MAS1: variants seen among roughly 807,000 people sequenced by gnomAD.
The protein encoded by MAS1 is proto-oncogene Mas.
For missense variants in MAS1, 387 were observed against 409.7 expected (o/e 0.94, Z 0.48); for synonymous variants, 163 against 164.2 (o/e 0.99, Z 0.05).
intron 1 of MAS1, among the ~76,000 whole-genome samples, chr6:159,891,581 C>T (rs187872951): frequency 3.9e-5 from 6 of 152,270 alleles, no homozygotes; most frequent in African/African-American, 1.4e-4. Flanking sequence ...TGGCTATCAG[C>T]TCTTTGGCAT....
chr6:159,895,609 G>A (rs1341138953), intron 1 of MAS1, among the ~76,000 whole-genome samples: 1 of 152,004 alleles, frequency 6.6e-6, no homozygotes, highest in African/African-American at 2.4e-5. Context: ...ACAAGTAACC[G>A]TTAACATAAA....
At chr6:159,899,830 G>A (rs764770412) in intron 2 of MAS1, among the ~76,000 whole-genome samples, 1 of 152,212 alleles carries the variant, frequency 6.6e-6, no homozygotes, top group Non-Finnish European at 1.5e-5. Flanking sequence ...GGTGGATCAC[G>A]AGGTCAGGAG....
upstream of MAS1, among the ~76,000 whole-genome samples, chr6:159,890,751 T>C (rs577489909): frequency 1.1e-4 from 17 of 152,356 alleles, no homozygotes; most frequent in East Asian, 3.3e-3. Flanking sequence ...ACATGCGGTT[T>C]TGCCCTTCCA....
rs745853271 is a variant in MAS1 at position 159,906,905 on chromosome 6, T to C, written c.-36-15T>C. On this transcript the variant is annotated splice_polypyrimidine_tract_variant and intron_variant, in intron 2 of 2. Transcript: ENST00000674077. Reference sequence around the variant, plus strand: ...ATGGCTTTTTGTGTTTGTTTTGTTCTGGACATATTTACAGAAAATTACCTG... The same window carrying C: ...ATGGCTTTTTGTGTTTGTTTTGTTCCGGACATATTTACAGAAAATTACCTG... 2.4e-5 allele frequency: 36 copies of C among 1,520,538 alleles called. No individual in the cohort carries two copies. The highest frequency in any genetic ancestry group is 3.1e-5 in the Non-Finnish European group (35 of 1,131,016). 94.2% of individuals were successfully genotyped at this position (1,520,538 alleles called of 1,614,324 possible). A position where few individuals can be genotyped will look rare whatever the true frequency, so the allele number is the denominator to read the frequency against.
chr6:159,889,574 G>A (rs145500676), upstream of MAS1, among the ~76,000 whole-genome samples: 24 of 152,118 alleles, frequency 1.6e-4, no homozygotes, highest in African/African-American at 4.6e-4. Context: ...TTTCCCACCC[G>A]TGCTCCTTCT....
In MAS1 at chr6:159,913,405, G is replaced by A. The variant is rs893717251; in HGVS notation, c.*5472G>A. The stretch of plus-strand genomic sequence containing the variant: ...TGCCAAAAAATTAAGTACTTTTGTG[G>A]CTTAAAAGAACAATGTATTGTCATT... On this transcript the variant is annotated 3_prime_UTR_variant, in exon 3 of 3. Coordinates refer to ENST00000674077, the MANE Select transcript of MAS1 (RefSeq NM_002377.4). The A allele has an allele frequency of 1.3e-5, 2 of 152,046 alleles. No individual in the cohort carries two copies. The highest frequency in any genetic ancestry group is 2.4e-5 in the African/African-American group (1 of 41,378). The allele number at this position is 152,046 out of a possible 1,614,324, so 9.4% of individuals were successfully genotyped here.
chr6:159,906,668 T>C (rs1782890134), intron 2 of MAS1: 1 of 329,604 alleles, frequency 3.0e-6, no homozygotes, highest in South Asian at 4.9e-5. Flanking sequence ...CACAATGATA[T>C]AGAATGAATG....
At chr6:159,895,183 G>C (rs1462445838) in intron 1 of MAS1, among the ~76,000 whole-genome samples, 1 of 152,178 alleles carries the variant, frequency 6.6e-6, no homozygotes, top group Admixed American at 6.5e-5. Context: ...TGGTGTGTGT[G>C]TATGTTGGGT....
At chr6:159,890,595 C>T (rs1782685393), upstream of MAS1, among the ~76,000 whole-genome samples, 1 of 152,212 alleles carries the variant, frequency 6.6e-6, no homozygotes, top group East Asian at 1.9e-4. Flanking sequence ...TATACATAGA[C>T]TCATCTCATC....
At chr6:159,899,738 CA>C (rs1418010175) in intron 2 of MAS1, among the ~76,000 whole-genome samples, 3 of 151,766 alleles carry the variant, frequency 2.0e-5, no homozygotes, top group Non-Finnish European at 4.4e-5. Flanking sequence ...GACACTGTTT[CA>C]AAACAAAACA....
rs1243812033 is a variant in MAS1 at position 159,891,005 on chromosome 6, G to C, written c.-372G>C. Among the ~76,000 whole-genome samples the C allele has an allele frequency of 6.6e-6, 1 of 152,206 alleles. No individual in the cohort carries two copies. The highest frequency in any genetic ancestry group is 2.1e-4 in the South Asian group (1 of 4,828). On this transcript the variant is annotated 5_prime_UTR_variant, in exon 1 of 3. Transcript: ENST00000674077. The stretch of plus-strand genomic sequence containing the variant: ...GCAGCTCTGATTCCTTCAGAGATGA[G>C]AGGCTGCAGCCATCCTTCGAGATGT...
intron 1 of MAS1, among the ~76,000 whole-genome samples, chr6:159,894,557 A>T (rs1782733977): frequency 6.6e-6 from 1 of 152,122 alleles, no homozygotes; most frequent in South Asian, 2.1e-4. Context: ...GAAATATGCT[A>T]GGCTCTGGCA....
At chr6:159,901,476 G>A (rs894331773) in intron 2 of MAS1, among the ~76,000 whole-genome samples, 1 of 152,312 alleles carries the variant, frequency 6.6e-6, no homozygotes, top group Non-Finnish European at 1.5e-5. Flanking sequence ...GTGCATGCCT[G>A]TTGTCCTAGC....
At chr6:159,897,389 C>G (rs1336469589) in intron 1 of MAS1, among the ~76,000 whole-genome samples, 2 of 152,134 alleles carry the variant, frequency 1.3e-5, no homozygotes, top group African/African-American at 4.8e-5. Context: ...TGAAAAATGT[C>G]TTGAGCACAA....
intron 1 of MAS1, among the ~76,000 whole-genome samples, chr6:159,895,155 G>T (rs528422188): frequency 2.0e-5 from 3 of 152,168 alleles, no homozygotes; most frequent in African/African-American, 7.2e-5. Flanking sequence ...ACACATAGAC[G>T]GACTGTTGAC....
rs137950570 is a variant in MAS1 at position 159,907,487 on chromosome 6, A to G, written c.532A>G (p.Ser178Gly). 6.2e-7 allele frequency: 1 copy of G among 1,613,798 alleles called. No homozygotes were observed. The highest frequency in any genetic ancestry group is 1.3e-5 in the African/African-American group (1 of 74,820). Residue 178 changes from serine to glycine, a missense_variant, in exon 3 of 3, where the codon AGT becomes GGT. Physicochemically the swap from Ser to Gly is moderately conservative, Grantham distance 56. Transcript: ENST00000674077. Reference sequence around the variant, plus strand: ...CATGTGCATCGACAGAGAAGAAGAGAGTCACTCTCGGAATGACTGCCGAGC... The same window carrying G: ...CATGTGCATCGACAGAGAAGAAGAGGGTCACTCTCGGAATGACTGCCGAGC... ...YVMCIDREEE[S>G]HSRNDCRAVI...
chr6:159,891,985 A>G (rs1748915106), intron 1 of MAS1, among the ~76,000 whole-genome samples: 1 of 152,158 alleles, frequency 6.6e-6, no homozygotes, highest in African/African-American at 2.4e-5. Context: ...ACTAGATACC[A>G]GTAGCACACT....
chr6:159,906,688 G>A, intron 2 of MAS1: 1 of 386,318 alleles, frequency 2.6e-6, no homozygotes, highest in Admixed American at 4.3e-5. Flanking sequence ...GGTTATCACT[G>A]GGGATCCAGA....
chr6:159,889,227 C>T (rs1201484646), upstream of MAS1, among the ~76,000 whole-genome samples: 1 of 152,224 alleles, frequency 6.6e-6, no homozygotes, highest in Non-Finnish European at 1.5e-5. Context: ...TTGTCCTCTG[C>T]CCGTGTGGAC....
Sources: allele counts gnomAD v4.1 joint callset (sites outside exome capture counted in the v4.1 genomes callset), GRCh38; gene constraint gnomAD v4.1.1; transcripts MANE v1.5; gene names NCBI Gene and HGNC (gene_info 2026-07-23, HGNC 2026-07-21).